Variants in USP24 observed in about 807,000 individuals in gnomAD.
USP24 encodes ubiquitin carboxyl-terminal hydrolase 24.
A neutral mutation model predicts 361.6 loss-of-function variants in USP24; 97 were observed. The observed-to-expected ratio is 0.27, with a 90% CI of 0.23 to 0.32. The LOEUF (loss-of-function observed/expected upper bound fraction) is 0.32. USP24 is among the 10% of genes least tolerant of loss of function. USP24 has a pLI of 1.00. For synonymous variants in USP24, 1,098 were observed against 1,124.6 expected, an observed-to-expected ratio of 0.98 and a Z score of 0.47; for missense variants, 2,353 against 3,165.6, an observed-to-expected ratio of 0.74 and a Z score of 6.16.
At chr1:55,197,486 T>C (rs1267442728) in intron 1 of USP24, among the ~76,000 whole-genome samples, 1 of 152,186 alleles carries the variant, frequency 6.6e-6, no homozygotes, top group Non-Finnish European at 1.5e-5. Context: ...TAATACATGC[T>C]TATGAAATGA....
intron 65 of USP24, 37 bp downstream of exon 65, chr1:55,072,749 C>G: frequency 6.5e-7 from 1 of 1,549,234 alleles, no homozygotes; most frequent in African/African-American, 1.4e-5. Flanking sequence ...ATTATTGATT[C>G]CTATGTTACA....
intron 7 of USP24, 82 bp from the exon 8 acceptor site, chr1:55,162,346 T>C: frequency 3.1e-6 from 4 of 1,302,826 alleles, no homozygotes; most frequent in Non-Finnish European, 4.1e-6. Context: ...TTTTCATGTA[T>C]CAGAGAAAAG....
chr1:55,154,113 A>T lies in USP24; in HGVS notation c.1812+6T>A, dbSNP rs1381492692. Reference sequence around the variant, plus strand: ...ACAACAAAATCAGATAAAAGCTGAAACCAACCCTCTTAATATCTTCTATGC... The same window carrying T: ...ACAACAAAATCAGATAAAAGCTGAATCCAACCCTCTTAATATCTTCTATGC... On this transcript the variant is annotated splice_donor_region_variant and intron_variant, in intron 15 of 67. Transcript: ENST00000294383. 1 of 1,613,346 alleles carries T rather than the reference A, an allele frequency of 6.2e-7. No homozygotes were observed. Among genetic ancestry groups the T allele is most frequent in the East Asian group, 2.2e-5 (1 of 44,870 alleles).
intron 38 of USP24, among the ~76,000 whole-genome samples, chr1:55,115,067 G>A (rs1189020858): frequency 2.6e-5 from 4 of 151,928 alleles, no homozygotes; most frequent in African/African-American, 4.8e-5. Flanking sequence ...CAACTCCATC[G>A]AAAAATGGGC....
chr1:55,206,631 T>C (rs1569815616), intron 1 of USP24, among the ~76,000 whole-genome samples: 3 of 136,302 alleles, frequency 2.2e-5, no homozygotes, highest in East Asian at 4.6e-4. Flanking sequence ...TCATTTCTTG[T>C]GCCAGTGAAT....
chr1:55,167,465 G>A (rs1273820577), intron 5 of USP24, among the ~76,000 whole-genome samples: 1 of 152,172 alleles, frequency 6.6e-6, no homozygotes, highest in East Asian at 1.9e-4. Flanking sequence ...GGCAAAGAAT[G>A]TAGATCATGG....
chr1:55,102,338 T>C (rs560319947), intron 42 of USP24, among the ~76,000 whole-genome samples: 9 of 152,176 alleles, frequency 5.9e-5, no homozygotes, highest in Non-Finnish European at 1.0e-4. Context: ...TGAAATAACA[T>C]AGACCCCAGT....
In USP24 at chr1:55,076,430, A is replaced by G. The variant is rs150345068; in HGVS notation, c.7380+805T>C. ...TCTATGATGTCTTTTCTTACTCAAAACTCTTTATTAAATGATTATTCTGTG... is the reference window on the plus strand; with the variant it reads ...TCTATGATGTCTTTTCTTACTCAAAGCTCTTTATTAAATGATTATTCTGTG... On this transcript the variant is annotated intron_variant, in intron 62 of 67. Coordinates refer to ENST00000294383, the MANE Select transcript of USP24 (RefSeq NM_015306.3). 6.3e-3 allele frequency among the ~76,000 whole-genome samples: 959 copies of G among 152,204 alleles called. 7 individuals are homozygous for G. The highest frequency in any genetic ancestry group is 0.021 in the African/African-American group (887 of 41,518).
At chr1:55,146,617 G>A (rs1184998331) in intron 19 of USP24, among the ~76,000 whole-genome samples, 1 of 151,990 alleles carries the variant, frequency 6.6e-6, no homozygotes, top group Non-Finnish European at 1.5e-5. Flanking sequence ...GGAACTCAAA[G>A]TTTTCTGTTG....
chr1:55,143,049 T>G lies in USP24; in HGVS notation c.2510A>C (p.Glu837Ala). Residue 837 changes from glutamate (E) to alanine (A), a missense_variant, in exon 22 of 68, where the codon GAA (glutamate) becomes GCA (alanine). Transcript: ENST00000294383. ...WKIAMESPDE[E>A]IANEAIQLII... ...TAGCTGAATAGCTTCATTAGCAATT[T>G]CTTCATCAGGTGATTCCATGGCTAT... 1 of 1,534,560 alleles carries G rather than the reference T, an allele frequency of 6.5e-7. No homozygotes were observed. The highest frequency in any genetic ancestry group is 1.3e-5 in the South Asian group (1 of 78,656).
intron 59 of USP24, among the ~76,000 whole-genome samples, chr1:55,079,920 G>A (rs776385210): frequency 2.6e-5 from 4 of 151,856 alleles, no homozygotes; most frequent in Middle Eastern, 6.8e-3. Flanking sequence ...CAGAGTACTC[G>A]CACACACACT....
intron 43 of USP24, among the ~76,000 whole-genome samples, chr1:55,101,296 T>C (rs752695672): frequency 1.3e-5 from 2 of 152,208 alleles, no homozygotes; most frequent in Non-Finnish European, 2.9e-5. Flanking sequence ...ATTTCTAAAA[T>C]ACTAAAACTG....
At chr1:55,091,008 C>G (rs371669097) in intron 54 of USP24, among the ~76,000 whole-genome samples, 5 of 152,100 alleles carry the variant, frequency 3.3e-5, no homozygotes, top group African/African-American at 1.2e-4. Context: ...CGCTTGAACC[C>G]GGGACACAGA....
chr1:55,166,156 T>G (rs907641066), intron 6 of USP24, among the ~76,000 whole-genome samples: 1 of 151,782 alleles, frequency 6.6e-6, no homozygotes. Context: ...AACAATCCAA[T>G]TATATTATTT....
intron 1 of USP24, among the ~76,000 whole-genome samples, chr1:55,191,721 A>C (rs1569712770): frequency 6.6e-6 from 1 of 151,752 alleles, no homozygotes; most frequent in Admixed American, 6.6e-5. Context: ...CAAACTCCTG[A>C]CCTCGTGATC....
chr1:55,158,487 C>A (rs1307992287), intron 10 of USP24, among the ~76,000 whole-genome samples: 2 of 152,192 alleles, frequency 1.3e-5, no homozygotes, highest in African/African-American at 4.8e-5. Flanking sequence ...CATCATTTTG[C>A]TTTGACCAAC....
At position 55,178,116 on chromosome 1, in the gene USP24, C is replaced by T. The variant is rs1253091923; in HGVS notation, c.341G>A (p.Gly114Glu). The T allele has an allele frequency of 3.2e-6, 5 of 1,550,920 alleles. No homozygotes were observed. The highest frequency in any genetic ancestry group is 4.4e-6 in the Non-Finnish European group (5 of 1,146,764). Residue 114 changes from glycine (G) to glutamate (E), a missense_variant, in exon 2 of 68, where the codon GGA (glycine) becomes GAA (glutamate). Physicochemically the swap from Gly to Glu is moderately conservative, Grantham distance 98. Transcript: ENST00000294383. ...VVDAEKNDEN[G>E]NCSGEGIEFP... ...TTCAATTCCTTCCCCTGAGCAGTTT[C>T]CATTCTCATCATTCTTCTGACGAAA...
chr1:55,168,290 G>C (rs1314482280), intron 5 of USP24, among the ~76,000 whole-genome samples: 1 of 152,120 alleles, frequency 6.6e-6, no homozygotes, highest in African/African-American at 2.4e-5. Context: ...GTGGACGAAG[G>C]CAGAATGGAA....
intron 28 of USP24, among the ~76,000 whole-genome samples, chr1:55,136,994 C>T (rs1646753939): frequency 6.6e-6 from 1 of 151,896 alleles, no homozygotes; most frequent in Middle Eastern, 3.2e-3. Context: ...AAAGATTGGG[C>T]CAGGGAACTT....
Sources: gnomAD v4.1 joint callset for allele counts (sites outside exome capture counted in the v4.1 genomes callset) on GRCh38, gnomAD v4.1.1 for gene constraint, MANE v1.5 for transcripts, NCBI Gene and HGNC (gene_info 2026-07-23, HGNC 2026-07-21) for gene names.